The following BACH2 variants were observed in gnomAD, a reference collection of about 807,000 sequenced individuals.
The protein encoded by BACH2 is BACH transcriptional regulator 2, also known as transcription regulator protein BACH2.
Under a neutral mutation model 61.8 loss-of-function variants are expected in BACH2, and 5 were observed. The observed-to-expected ratio is 0.08, with a 90% confidence interval of 0.04 to 0.17. The LOEUF (loss-of-function observed/expected upper bound fraction) is 0.17. Among genes scored for constraint, BACH2 ranks in the 10% least tolerant of loss-of-function variants. The pLI is 1.00. For missense variants in BACH2, 824 were observed against 1,091.1 expected, an observed-to-expected ratio of 0.76 and a Z score of 3.45; for synonymous variants, 446 against 440.1, an observed-to-expected ratio of 1.01 and a Z score of -0.17.
intron 8 of BACH2, 33 bp downstream of exon 8, chr6:89,938,111 A>G (rs368845371): frequency 1.9e-5 from 30 of 1,590,038 alleles, no homozygotes; most frequent in Non-Finnish European, 2.5e-5. Flanking sequence ...TGGTCACTTC[A>G]GGTTGCTGAT....
chr6:90,187,184 C>T (rs868614068), intron 4 of BACH2, among the ~76,000 whole-genome samples: 4 of 152,116 alleles, frequency 2.6e-5, no homozygotes, highest in African/African-American at 9.7e-5. Context: ...GGTGTGGCCA[C>T]CTGACAGATC....
At chr6:90,086,556 C>A (rs1169524306) in intron 5 of BACH2, among the ~76,000 whole-genome samples, 2 of 152,164 alleles carry the variant, frequency 1.3e-5, no homozygotes, top group African/African-American at 4.8e-5. Context: ...TTTATAGGCA[C>A]CCTACTCACT....
In BACH2 at chr6:90,156,867, C is replaced by T. The variant is rs374155649; in HGVS notation, c.-162+49702G>A. ...CCCAAAAAAGACATGGAATACATGA[C>T]CCAGGCGGCCCTGAAAATCTCATCC... On this transcript the variant is annotated intron_variant, in intron 4 of 8. Transcript: ENST00000257749. 3.3e-5 allele frequency among the ~76,000 whole-genome samples: 5 copies of T among 152,140 alleles called. No individual in the cohort carries two copies. In the East Asian group the frequency reaches 9.6e-4, roughly 29 times the overall value.
intron 5 of BACH2, among the ~76,000 whole-genome samples, chr6:90,039,185 T>C (rs1006925507): frequency 7.9e-5 from 12 of 152,244 alleles, no homozygotes; most frequent in Non-Finnish European, 1.3e-4. Flanking sequence ...AATTCTCTAT[T>C]GGCAGCTATC....
chr6:90,008,779 G>A lies in BACH2; in HGVS notation c.66C>T (p.Asn22=), dbSNP rs1246906662. ...YVYESTVHCT[N]ILLGLNDQRK... is the part of the protein sequence containing the mutation. Reference sequence around the variant, plus strand: ...GCTGGTCATTGAGGCCCAGGAGGATGTTGGTGCAGTGGACTGTGGACTCAT... The same window carrying A: ...GCTGGTCATTGAGGCCCAGGAGGATATTGGTGCAGTGGACTGTGGACTCAT... Residue 22 remains asparagine, a synonymous_variant, in exon 6 of 9, where the codon AAC becomes AAT. Transcript: ENST00000257749. The surrounding 1 kb of genome is among the most constrained non-coding windows in gnomAD (Gnocchi z 4.1). 6.2e-7 allele frequency: 1 copy of A among 1,614,220 alleles called. No homozygotes were observed. The highest frequency in any genetic ancestry group is 8.5e-7 in the Non-Finnish European group (1 of 1,180,034).
chr6:90,001,360 T>A, intron 6 of BACH2: 1 of 152,198 alleles, frequency 6.6e-6, no homozygotes, highest in East Asian at 1.9e-4. Flanking sequence ...GGGAAGGTCG[T>A]CCTCTTCAAC....
intron 3 of BACH2, among the ~76,000 whole-genome samples, chr6:90,221,686 C>T (rs1769739581): frequency 6.6e-6 from 1 of 152,072 alleles, no homozygotes; most frequent in South Asian, 2.1e-4. Context: ...GGCGTGACAT[C>T]ACCAGCAAGG....
rs370713592 is a variant in BACH2, at chr6:90,029,341, G to GTC, written c.-12-20487_-12-20486dup. On this transcript the variant is annotated intron_variant, in intron 5 of 8. Coordinates refer to ENST00000257749, the MANE Select transcript of BACH2 (RefSeq NM_021813.4). ...TATGTGTGAAATGAAGATAAAGACT[G>GTC]TCTCCCGAGAGACTGTTAGGAGATG... 4.3e-4 allele frequency among the ~76,000 whole-genome samples: 65 copies of GTC among 152,224 alleles called. 1 individual carries two copies. In the East Asian group the frequency reaches 0.012, roughly 29 times the overall value.
intron 1 of BACH2, among the ~76,000 whole-genome samples, chr6:90,293,712 G>C (rs148427122): frequency 5.8e-4 from 88 of 152,300 alleles, no homozygotes; most frequent in South Asian, 5.0e-3. Context: ...CTTTTAAGCA[G>C]TTATTATTAC....
At chr6:90,000,405 T>C (rs1777074046) in intron 6 of BACH2, among the ~76,000 whole-genome samples, 1 of 152,250 alleles carries the variant, frequency 6.6e-6, no homozygotes, top group Non-Finnish European at 1.5e-5. Context: ...TTGCTTTTTT[T>C]TCATCTGCTG....
chr6:90,197,461 T>C (rs1768798690), intron 4 of BACH2, among the ~76,000 whole-genome samples: 1 of 152,190 alleles, frequency 6.6e-6, no homozygotes, highest in South Asian at 2.1e-4. Context: ...CTAAGTAGAA[T>C]TCTCTTAATT....
At chr6:89,945,826 T>A (rs1312236480) in intron 7 of BACH2, among the ~76,000 whole-genome samples, 1 of 152,206 alleles carries the variant, frequency 6.6e-6, no homozygotes, top group East Asian at 1.9e-4. Context: ...TGCTCCCAGT[T>A]TTTTCTTATT....
Position 90,149,339 on chromosome 6 carries a change from C to T in BACH2, c.-162+57230G>A, listed in dbSNP as rs374749383. ...AGTACTCCCAACTCACTGTTAAGGA[C>T]ACTGAAGTTAAAATAACTAGCATTG... On this transcript the variant is annotated intron_variant, in intron 4 of 8. Transcript: ENST00000257749. Among the ~76,000 whole-genome samples, 30 of 152,336 alleles carry T rather than the reference C, an allele frequency of 2.0e-4. 2 individuals carry two copies. Among genetic ancestry groups the T allele is most frequent in the African/African-American group, 6.7e-4 (28 of 41,590 alleles).
At chr6:90,132,851 T>C (rs1784123100) in intron 4 of BACH2, among the ~76,000 whole-genome samples, 1 of 152,172 alleles carries the variant, frequency 6.6e-6, no homozygotes, top group Non-Finnish European at 1.5e-5. Flanking sequence ...TCTTGAGCCC[T>C]GCACTGTACC....
chr6:90,059,656 C>T (rs1780575041), intron 5 of BACH2, among the ~76,000 whole-genome samples: 1 of 152,082 alleles, frequency 6.6e-6, no homozygotes, highest in Non-Finnish European at 1.5e-5. Context: ...AATCATGCTG[C>T]TATAAAGACA....
intron 4 of BACH2, among the ~76,000 whole-genome samples, chr6:90,195,433 C>A (rs1398903820): frequency 6.6e-6 from 1 of 152,170 alleles, no homozygotes; most frequent in African/African-American, 2.4e-5. Flanking sequence ...TTATAAATCA[C>A]CTTGGATTTT....
chr6:90,188,803 G>A (rs944074762), intron 4 of BACH2, among the ~76,000 whole-genome samples: 23 of 140,950 alleles, frequency 1.6e-4, no homozygotes, highest in African/African-American at 1.0e-4. Flanking sequence ...GAGTATTTAC[G>A]TTTTTTAGCA....
intron 4 of BACH2, among the ~76,000 whole-genome samples, chr6:90,142,791 C>T (rs573711046): frequency 3.3e-5 from 5 of 152,214 alleles, no homozygotes; most frequent in African/African-American, 9.6e-5. Context: ...CTGTTTGCTT[C>T]TATTTTCTAA....
intron 4 of BACH2, among the ~76,000 whole-genome samples, chr6:90,121,180 G>A (rs1463877551): frequency 6.6e-6 from 1 of 152,164 alleles, no homozygotes; most frequent in Non-Finnish European, 1.5e-5. Context: ...TCGAAGAAAA[G>A]GCCTCGAGCC....
Sources: allele counts gnomAD v4.1 joint callset (sites outside exome capture counted in the v4.1 genomes callset), GRCh38; gene constraint gnomAD v4.1.1; non-coding constraint Gnocchi (gnomAD v3.1); transcripts MANE v1.5; gene names NCBI Gene and HGNC (gene_info 2026-07-23, HGNC 2026-07-21).